The following BET1 variants were observed in gnomAD, a reference collection of about 807,000 sequenced individuals.
The protein encoded by BET1 is Bet1 golgi vesicular membrane trafficking protein.
BET1 carries 9 observed loss-of-function variants against 13.9 expected under a neutral mutation model. The observed-to-expected ratio is 0.65, with a 90% CI of 0.39 to 1.13. BET1 has a LOEUF of 1.13. BET1 is among the 50% of genes most tolerant of loss of function. The pLI, the probability that BET1 is intolerant of heterozygous loss-of-function variation, is 0.01. For missense variants in BET1, 127 were observed against 133.6 expected, an observed-to-expected ratio of 0.95 and a Z score of 0.24; for synonymous variants, 39 against 47.3, an observed-to-expected ratio of 0.82 and a Z score of 0.72.
exon 5 of BET1, chr7:93,976,045 T>G: frequency 7.8e-7 from 1 of 1,279,038 alleles, no homozygotes; most frequent in Non-Finnish European, 1.0e-6. Context: ...CAGTCAAAAT[T>G]AGCAGAAGTA....
intron 3 of BET1, among the ~76,000 whole-genome samples, chr7:93,995,806 A>C (rs1795756083): frequency 6.6e-6 from 1 of 152,204 alleles, no homozygotes; most frequent in Non-Finnish European, 1.5e-5. Flanking sequence ...TGTTAGAGAG[A>C]AAAGGCTCTG....
chr7:93,997,627 A>G (rs1795801259), intron 2 of BET1, among the ~76,000 whole-genome samples: 1 of 152,192 alleles, frequency 6.6e-6, no homozygotes, highest in Admixed American at 6.5e-5. Context: ...CGATTTTCCA[A>G]AGACTATATT....
downstream of BET1, chr7:93,992,414 T>C (rs148690640): frequency 4.1e-6 from 4 of 985,358 alleles, no homozygotes; most frequent in East Asian, 4.5e-4. Context: ...ATCCTCTACT[T>C]CCATTGTTGA....
chr7:93,987,771 T>G (rs763869624), intron 4 of BET1, among the ~76,000 whole-genome samples: 28 of 152,196 alleles, frequency 1.8e-4, no homozygotes, highest in Non-Finnish European at 3.7e-4. Flanking sequence ...TTACAAAATG[T>G]GAATTTTGAT....
At chr7:93,993,188 T>C (rs1562805934), downstream of BET1, 3 of 985,080 alleles carry the variant, frequency 3.0e-6, no homozygotes, top group Non-Finnish European at 3.6e-6. Context: ...GGAATCTGAG[T>C]TGTCAGGACC....
intron 6 of BET1, among the ~76,000 whole-genome samples, chr7:93,967,357 A>G (rs1377005454): frequency 2.0e-5 from 3 of 151,792 alleles, no homozygotes; most frequent in Non-Finnish European, 2.9e-5. Flanking sequence ...GGTAATCCTC[A>G]TACTACAAGA....
intron 5 of BET1, among the ~76,000 whole-genome samples, chr7:93,973,323 T>C (rs1010025335): frequency 1.3e-5 from 2 of 151,918 alleles, no homozygotes; most frequent in Admixed American, 6.6e-5. Flanking sequence ...TTGAGCAGAA[T>C]TGAACAGTCA....
intron 2 of BET1, among the ~76,000 whole-genome samples, chr7:93,997,787 T>C (rs2299416): frequency 0.3 from 45,684 of 152,090 alleles, 7,592 homozygotes; most frequent in East Asian, 0.46. Context: ...CTCAACACCA[T>C]TGATAAGGAA....
intron 1 of BET1, among the ~76,000 whole-genome samples, chr7:94,002,666 A>G (rs1214929731): frequency 6.6e-6 from 1 of 152,152 alleles, no homozygotes; most frequent in Non-Finnish European, 1.5e-5. Flanking sequence ...TGCAGCAGGA[A>G]AATACTCAAA....
At chr7:94,002,797 T>G (rs757303174) in intron 1 of BET1, among the ~76,000 whole-genome samples, 1 of 152,168 alleles carries the variant, frequency 6.6e-6, no homozygotes. Context: ...CCTTACTTCT[T>G]TTGAGTTCCT....
At chr7:93,992,514 C>T, downstream of BET1, 6 of 985,266 alleles carry the variant, frequency 6.1e-6, 1 homozygote, top group South Asian at 2.8e-4. Flanking sequence ...ATTTCTGAAT[C>T]TCCCGTGAGC....
chr7:93,994,455 A>C lies in BET1; in HGVS notation c.202-70T>G, dbSNP rs891703761. 9.4e-5 allele frequency: 134 copies of C among 1,422,906 alleles called. No homozygotes were observed. In the East Asian group the frequency reaches 3.1e-3, roughly 33 times the overall value. 88.1% of individuals were successfully genotyped at this position (1,422,906 alleles called of 1,614,324 possible). On this transcript the variant is annotated intron_variant, in intron 3 of 3. Coordinates refer to ENST00000222547, the MANE Select transcript of BET1 (RefSeq NM_005868.6). Reference sequence around the variant, plus strand: ...GAGTCTACATATGCATATCCAAGTAATTGAATAACTGTTACCATAGTACAT... The same window carrying C: ...GAGTCTACATATGCATATCCAAGTACTTGAATAACTGTTACCATAGTACAT...
intron 1 of BET1, among the ~76,000 whole-genome samples, chr7:94,002,821 C>G (rs1374879571): frequency 6.6e-6 from 1 of 152,138 alleles, no homozygotes; most frequent in African/African-American, 2.4e-5. Context: ...ATCTGGAACT[C>G]ACTTCCCCCA....
In BET1 at chr7:93,996,445, C is replaced by G. The variant is rs1795773639; in HGVS notation, c.145-124G>C. On this transcript the variant is annotated intron_variant, in intron 2 of 3. Transcript: ENST00000222547. Reference sequence around the variant, plus strand: ...TGAAACGGTCTTCTAGACACATAAACTCTCTTTTTCTGATACTTTTTCTAC... The same window carrying G: ...TGAAACGGTCTTCTAGACACATAAAGTCTCTTTTTCTGATACTTTTTCTAC... 6 of 607,582 alleles carry G rather than the reference C, an allele frequency of 9.9e-6. No homozygotes were observed. The South Asian group carries it at 1.8e-4, about 18-fold the overall frequency. The allele number at this position is 607,582 out of a possible 1,614,324, so 37.6% of individuals were successfully genotyped here.
At chr7:93,991,453 CAA>C (rs1385909224), downstream of BET1, among the ~76,000 whole-genome samples, 1 of 152,156 alleles carries the variant, frequency 6.6e-6, no homozygotes, top group Non-Finnish European at 1.5e-5. Context: ...TGTACCAACT[CAA>C]GAGAGCTAAT....
At position 93,969,364 on chromosome 7, in the gene BET1, G is replaced by T. The variant is rs147891696; in HGVS notation, c.*137+3211C>A. The T allele has an allele frequency of 3.9e-5, 6 of 151,962 alleles. No homozygotes were observed. The East Asian group carries it at 1.2e-3, about 29-fold the overall frequency. 9.4% of individuals were successfully genotyped at this position (151,962 alleles called of 1,614,324 possible). A position where few individuals can be genotyped will look rare whatever the true frequency, so the allele number is the denominator to read the frequency against. On this transcript the variant is annotated intron_variant and NMD_transcript_variant, in intron 6 of 6. Transcript: ENST00000357520. ...GTCCAACAATGAACAGCTTTGGGAA[G>T]GATCTGGCTTCCCTGGGGAAAGTGT...
intron 4 of BET1, among the ~76,000 whole-genome samples, chr7:93,983,012 C>G (rs1308383413): frequency 6.6e-6 from 1 of 152,146 alleles, no homozygotes; most frequent in African/African-American, 2.4e-5. Context: ...ATTCTTCAGA[C>G]AATTCCCTCT....
exon 7 of BET1, chr7:93,964,351 T>G (rs1421616334): frequency 6.6e-6 from 1 of 152,016 alleles, no homozygotes; most frequent in South Asian, 2.1e-4. Flanking sequence ...CACTTATAAG[T>G]AAGAACATAC....
Position 93,993,971 on chromosome 7 carries a change from T to C in BET1, c.*259A>G, listed in dbSNP as rs1584142035. On this transcript the variant is annotated 3_prime_UTR_variant, in exon 4 of 4. Coordinates refer to ENST00000222547, the MANE Select transcript of BET1 (RefSeq NM_005868.6). ...ATTTAATCTGACAGTTGGCAAACAA[T>C]AGAAAAACAAACTGGAAATTAGTGG... is the stretch of plus-strand genomic sequence containing the variant. 4.6e-6 allele frequency: 7 copies of C among 1,531,860 alleles called. No individual in the cohort carries two copies. The highest frequency in any genetic ancestry group is 1.4e-5 in the African/African-American group (1 of 72,820). The allele number at this position is 1,531,860 out of a possible 1,614,324, so 94.9% of individuals were successfully genotyped here.
Sources: allele counts gnomAD v4.1 joint callset (sites outside exome capture counted in the v4.1 genomes callset), GRCh38; gene constraint gnomAD v4.1.1; transcripts MANE v1.5; gene names NCBI Gene and HGNC (gene_info 2026-07-23, HGNC 2026-07-21).